The following SNX1 variants were observed in gnomAD, a reference collection of about 807,000 sequenced individuals.
SNX1 encodes the protein sorting nexin-1.
In SNX1, 36 loss-of-function variants were observed where a neutral mutation model predicts 71.8. The ratio of observed to expected loss-of-function variants is 0.50; its 90% CI spans 0.38 to 0.66. SNX1 has a LOEUF of 0.66. Ranked by LOEUF, SNX1 falls within the 30% of genes least tolerant of loss-of-function variation. The probability of loss-of-function intolerance (pLI) is 0.00; values close to 1 mark genes in which losing one functional copy is unlikely to be tolerated. For missense variants in SNX1, 612 were observed against 646.7 expected (o/e 0.95, Z 0.58); for synonymous variants, 254 against 240.7 (o/e 1.06, Z -0.51).
rs900878785 is a variant in SNX1 at position 64,143,804 on chromosome 15, T to C, written c.*6186T>C. The C allele has an allele frequency of 4.6e-5, 7 of 152,200 alleles. No individual in the cohort carries two copies. Among genetic ancestry groups the C allele is most frequent in the African/African-American group, 1.7e-4 (7 of 41,438 alleles). 9.4% of individuals were successfully genotyped at this position (152,200 alleles called of 1,614,324 possible). ...TCAGAACATTCACTGAGGATCCTCA[T>C]AGGCACTTCTAGAAACCAAATCCTT... On this transcript the variant is annotated 3_prime_UTR_variant, in exon 15 of 15. Coordinates refer to ENST00000559844, the MANE Select transcript of SNX1 (RefSeq NM_003099.5).
intron 8 of SNX1, 135 bp downstream of exon 8, chr15:64,127,941 A>C (rs983457633): frequency 8.9e-5 from 56 of 630,302 alleles, no homozygotes; most frequent in Middle Eastern, 7.5e-4. Flanking sequence ...TGAACCCCTG[A>C]GAGTGACAAG....
chr15:64,135,179 G>A (rs1172078), intron 12 of SNX1, among the ~76,000 whole-genome samples: 3 of 151,900 alleles, frequency 2.0e-5, no homozygotes, highest in South Asian at 2.1e-4. Context: ...GTGCAGTGGC[G>A]CGATCTCAGC....
intron 1 of SNX1, among the ~76,000 whole-genome samples, chr15:64,106,702 A>G (rs1193116374): frequency 6.6e-6 from 1 of 152,246 alleles, no homozygotes; most frequent in Non-Finnish European, 1.5e-5. Flanking sequence ...GAAAGACGAT[A>G]TGGAAGAGAC....
At position 64,109,532 on chromosome 15, in the gene SNX1, CAG is replaced by C. The variant is rs201795572; in HGVS notation, c.160-3038_160-3037del. Among the ~76,000 whole-genome samples the C allele has an allele frequency of 6.5e-3, 976 of 150,316 alleles. 9 individuals are homozygous for C. Among genetic ancestry groups the C allele is most frequent in the African/African-American group, 0.023 (937 of 39,998 alleles). On this transcript the variant is annotated intron_variant, in intron 1 of 14. Transcript: ENST00000559844. Reference sequence around the variant, plus strand: ...TTTGTTTTGTTTTGTTTTTTTGAGACAGAGTCTCGTTCTGTTGTCCAGGCTGG... The same window carrying C: ...TTTGTTTTGTTTTGTTTTTTTGAGACAGTCTCGTTCTGTTGTCCAGGCTGG...
intron 1 of SNX1, among the ~76,000 whole-genome samples, chr15:64,108,851 G>A (rs2140136806): frequency 6.6e-6 from 1 of 151,948 alleles, no homozygotes; most frequent in South Asian, 2.1e-4. Flanking sequence ...AGCCAGGCGT[G>A]GTGGTGGGCG....
intron 4 of SNX1, among the ~76,000 whole-genome samples, chr15:64,119,723 TAA>T (rs765691582): frequency 2.9e-5 from 4 of 138,252 alleles, no homozygotes; most frequent in Non-Finnish European, 4.7e-5. Context: ...GACTGTGTCT[TAA>T]AAAAAAAAAA....
At chr15:64,098,800 G>A (rs2080928772) in intron 1 of SNX1, among the ~76,000 whole-genome samples, 1 of 151,770 alleles carries the variant, frequency 6.6e-6, no homozygotes, top group South Asian at 2.1e-4. Context: ...TTGTAAGACT[G>A]TAAAAATCCT....
Position 64,134,554 on chromosome 15 carries a change from C to A in SNX1, c.1222-110C>A. The A allele has an allele frequency of 7.6e-7, 1 of 1,322,960 alleles. No individual in the cohort carries two copies. The allele number at this position is 1,322,960 out of a possible 1,614,324, so 82.0% of individuals were successfully genotyped here. On this transcript the variant is annotated intron_variant, in intron 11 of 14. Coordinates refer to ENST00000559844, the MANE Select transcript of SNX1 (RefSeq NM_003099.5). This position sits in a 1 kb window ranked among gnomAD's most constrained non-coding sequence, Gnocchi z 4.1. ...CACTAACATGTGGCTGCAGAACCTG[C>A]CCTTGCTCAGTCTGTCCCTGGTGCA...
chr15:64,130,376 C>T, intron 10 of SNX1, 55 bp downstream of exon 10: 1 of 1,409,784 alleles, frequency 7.1e-7, no homozygotes, highest in African/African-American at 1.4e-5. Context: ...CTCTAGTGAA[C>T]TGGAGATGCG....
intron 11 of SNX1, 37 bp downstream of exon 11, chr15:64,131,929 T>C (rs1442448417): frequency 6.2e-7 from 1 of 1,602,748 alleles, no homozygotes; most frequent in African/African-American, 1.3e-5. Flanking sequence ...CTTCCCTTGA[T>C]TTGATTTGTT....
chr15:64,108,826 A>C (rs2081049098), intron 1 of SNX1, among the ~76,000 whole-genome samples: 1 of 151,820 alleles, frequency 6.6e-6, no homozygotes, highest in South Asian at 2.1e-4. Flanking sequence ...CGTCTCCACT[A>C]ATAATACAAA....
At chr15:64,135,691 G>A (rs1234047888) in intron 12 of SNX1, among the ~76,000 whole-genome samples, 12 of 145,914 alleles carry the variant, frequency 8.2e-5, no homozygotes, top group Non-Finnish European at 1.2e-4. Context: ...CCTGGGAGGC[G>A]AAGGTTGCAG....
intron 12 of SNX1, 33 bp from the exon 13 acceptor site, chr15:64,136,297 T>G: frequency 3.3e-6 from 5 of 1,537,908 alleles, no homozygotes; most frequent in African/African-American, 1.4e-5. Context: ...TGCCATAATA[T>G]GAGGTGATCC....
intron 3 of SNX1, 42 bp downstream of exon 3, chr15:64,118,286 A>C (rs767151958): frequency 8.2e-6 from 13 of 1,585,880 alleles, no homozygotes; most frequent in Middle Eastern, 1.7e-4. Context: ...TTAGATATTG[A>C]GGACTGTGTA....
At chr15:64,119,430 T>C (rs965523447) in intron 4 of SNX1, among the ~76,000 whole-genome samples, 4 of 152,126 alleles carry the variant, frequency 2.6e-5, no homozygotes, top group African/African-American at 9.7e-5. Context: ...CTAGAGTCTC[T>C]TTTTAAAAAC....
chr15:64,138,464 T>C lies in SNX1; in HGVS notation c.*846T>C, dbSNP rs1363081359. 1 of 364,404 alleles carries C rather than the reference T, an allele frequency of 2.7e-6. No homozygotes were observed. The highest frequency in any genetic ancestry group is 4.9e-6 in the Non-Finnish European group (1 of 203,520). The allele number at this position is 364,404 out of a possible 1,614,324, so 22.6% of individuals were successfully genotyped here. The stretch of plus-strand genomic sequence containing the variant: ...TTATATATAACTAAACCTATTTTTG[T>C]CACCCATCAAAACACATCCTCAGTA... On this transcript the variant is annotated 3_prime_UTR_variant, in exon 15 of 15. Coordinates refer to ENST00000559844, the MANE Select transcript of SNX1 (RefSeq NM_003099.5).
rs1032520021 is a variant in SNX1, at chr15:64,143,902, C to A, written c.*6284C>A. ...AAAAACTGAAGCCAATTGAAATGTC[C>A]ATCAGGAGGGGATTAAATGAATTAT... On this transcript the variant is annotated 3_prime_UTR_variant, in exon 15 of 15. Transcript: ENST00000559844. 1.3e-5 allele frequency: 2 copies of A among 152,152 alleles called. No individual in the cohort carries two copies. The highest frequency in any genetic ancestry group is 6.6e-5 in the Admixed American group (1 of 15,266). 9.4% of individuals were successfully genotyped at this position (152,152 alleles called of 1,614,324 possible). A position where few individuals can be genotyped will look rare whatever the true frequency, so the allele number is the denominator to read the frequency against.
intron 2 of SNX1, chr15:64,115,655 C>T (rs113820599): frequency 3.5e-6 from 1 of 289,748 alleles, no homozygotes; most frequent in South Asian, 2.7e-5. Context: ...CCCCGACCTC[C>T]CAGGCTCAAG....
chr15:64,134,471 A>G lies in SNX1; in HGVS notation c.1222-193A>G. ...AGCAGCATGGCACTGGCCTTCTGGA[A>G]GCTTGGAGAGGAGTCTTACCCAAGC... is the stretch of plus-strand genomic sequence containing the variant. On this transcript the variant is annotated intron_variant, in intron 11 of 14. Transcript: ENST00000559844. The surrounding 1 kb of genome is among the most constrained non-coding windows in gnomAD (Gnocchi z 4.1). The G allele has an allele frequency of 1.6e-6, 1 of 610,466 alleles. No individual in the cohort carries two copies. Among genetic ancestry groups the G allele is most frequent in the Non-Finnish European group, 2.8e-6 (1 of 355,046 alleles). 37.8% of individuals were successfully genotyped at this position (610,466 alleles called of 1,614,324 possible). A position where few individuals can be genotyped will look rare whatever the true frequency, so the allele number is the denominator to read the frequency against.
Sources: gnomAD v4.1 joint callset for allele counts (sites outside exome capture counted in the v4.1 genomes callset) on GRCh38, gnomAD v4.1.1 for gene constraint, Gnocchi (gnomAD v3.1) non-coding constraint, MANE v1.5 for transcripts, NCBI Gene and HGNC (gene_info 2026-07-23, HGNC 2026-07-21) for gene names.